The following SARNP variants were observed in gnomAD, a reference collection of about 807,000 sequenced individuals.
SARNP encodes SAP domain containing ribonucleoprotein, also known as SAP domain-containing ribonucleoprotein.
A neutral mutation model predicts 38.1 loss-of-function variants in SARNP; 5 were observed. The observed-to-expected ratio is 0.13, with a 90% CI of 0.07 to 0.28. The LOEUF (loss-of-function observed/expected upper bound fraction) is 0.28. Ranked by LOEUF, SARNP falls within the 10% of genes least tolerant of loss-of-function variation. The pLI is 1.00. For missense variants in SARNP, 180 were observed against 243.9 expected, an observed-to-expected ratio of 0.74 and a Z score of 1.75; for synonymous variants, 84 against 80.6, an observed-to-expected ratio of 1.04 and a Z score of -0.23.
At chr12:55,770,809 C>T (rs2136183091) in intron 9 of SARNP, among the ~76,000 whole-genome samples, 1 of 152,218 alleles carries the variant, frequency 6.6e-6, no homozygotes, top group South Asian at 2.1e-4. Flanking sequence ...CTAATTTTAT[C>T]CTAAATACAG....
At chr12:55,798,174 AGAAAGTAGTATTTGATAGGCTG>A (rs1471029006) in intron 4 of SARNP, among the ~76,000 whole-genome samples, 2 of 152,202 alleles carry the variant, frequency 1.3e-5, no homozygotes, top group African/African-American at 2.4e-5. Context: ...AAATGGCTTT[AGAAAGTAGTATTTGATAGGCTG>A]GAAAGTAGTA....
At chr12:55,757,669 G>A in intron 10 of SARNP, 116 bp from the exon 11 acceptor site, 3 of 668,292 alleles carry the variant, frequency 4.5e-6, no homozygotes, top group Non-Finnish European at 7.5e-6. Context: ...AGGAAGGATG[G>A]CCCAGACTTG....
At position 55,794,900 on chromosome 12, in the gene SARNP, A is replaced by T. The variant is rs780847736; in HGVS notation, c.304-20T>A. ...CATTCTCTAAGTAAAAATAGACAAA[A>T]GGGAGAAAAAAAAGTCAATTTATGG... On this transcript the variant is annotated intron_variant, in intron 5 of 10. Transcript: ENST00000336133. The T allele has an allele frequency of 6.8e-7, 1 of 1,478,712 alleles. No individual in the cohort carries two copies. Among genetic ancestry groups the T allele is most frequent in the Non-Finnish European group, 9.4e-7 (1 of 1,064,516 alleles). The allele number at this position is 1,478,712 out of a possible 1,614,324, so 91.6% of individuals were successfully genotyped here. A position where few individuals can be genotyped will look rare whatever the true frequency, so the allele number is the denominator to read the frequency against.
intron 9 of SARNP, among the ~76,000 whole-genome samples, chr12:55,779,155 T>C (rs1441309921): frequency 3.3e-5 from 5 of 152,232 alleles, no homozygotes; most frequent in African/African-American, 9.6e-5. Context: ...CTATCTACCA[T>C]AGAGTTATCT....
intron 4 of SARNP, among the ~76,000 whole-genome samples, chr12:55,797,814 G>A (rs1879863185): frequency 6.6e-6 from 1 of 152,226 alleles, no homozygotes; most frequent in East Asian, 1.9e-4. Context: ...AACATTCCCT[G>A]AAATACAGAG....
chr12:55,778,529 T>A lies in SARNP; in HGVS notation c.501+10546A>T, dbSNP rs139628121. Among the ~76,000 whole-genome samples, 433 of 152,304 alleles carry A rather than the reference T, an allele frequency of 2.8e-3. 4 individuals carry two copies. The highest frequency in any genetic ancestry group is 1.0e-2 in the African/African-American group (415 of 41,564). ...GTGGAGAAAAGTAGTGTCTTTTTTT[T>A]ATCTTAAAGGGGAGGAGACAGAAAA... On this transcript the variant is annotated intron_variant, in intron 9 of 10. Coordinates refer to ENST00000336133, the MANE Select transcript of SARNP (RefSeq NM_033082.4).
At chr12:55,768,005 T>C (rs1338952015) in intron 9 of SARNP, among the ~76,000 whole-genome samples, 4 of 151,996 alleles carry the variant, frequency 2.6e-5, no homozygotes, top group African/African-American at 9.7e-5. Context: ...AATGAGTATA[T>C]ATTTGGACAG....
intron 1 of SARNP, among the ~76,000 whole-genome samples, chr12:55,814,146 G>A (rs114485982): frequency 1.2e-3 from 177 of 152,204 alleles, no homozygotes; most frequent in African/African-American, 3.9e-3. Flanking sequence ...ATAATTTAAA[G>A]GTTTTAAGCA....
chr12:55,785,837 TATCA>T, intron 9 of SARNP, among the ~76,000 whole-genome samples: 2 of 151,046 alleles, frequency 1.3e-5, no homozygotes, highest in African/African-American at 4.9e-5. Flanking sequence ...GCAGTGTCAC[TATCA>T]TGGCTCACTG....
At chr12:55,782,164 ACT>A (rs2136190088) in intron 9 of SARNP, among the ~76,000 whole-genome samples, 1 of 152,206 alleles carries the variant, frequency 6.6e-6, no homozygotes, top group Non-Finnish European at 1.5e-5. Context: ...AAGTAGAAAA[ACT>A]CTGGTACTAT....
chr12:55,800,538 A>G (rs754619007), intron 4 of SARNP, 24 bp downstream of exon 4: 1 of 1,501,126 alleles, frequency 6.7e-7, no homozygotes, highest in Admixed American at 1.8e-5. Context: ...CTCTGTACTC[A>G]GATTATAAAA....
intron 9 of SARNP, among the ~76,000 whole-genome samples, chr12:55,764,239 A>C (rs1005280033): frequency 5.9e-5 from 9 of 152,202 alleles, no homozygotes; most frequent in African/African-American, 1.9e-4. Context: ...ATAAAAGAAT[A>C]AGGGGCTGGG....
chr12:55,781,156 A>G (rs1412366490), intron 9 of SARNP, among the ~76,000 whole-genome samples: 1 of 152,234 alleles, frequency 6.6e-6, no homozygotes, highest in Non-Finnish European at 1.5e-5. Context: ...ACAGCATGCC[A>G]TCAGTTAGCT....
chr12:55,772,592 T>C (rs138954472), intron 9 of SARNP, among the ~76,000 whole-genome samples: 1 of 152,044 alleles, frequency 6.6e-6, no homozygotes, highest in African/African-American at 2.4e-5. Context: ...CCCCCAGAAA[T>C]CAAGTTTCTA....
At chr12:55,777,510 G>A (rs1054774608) in intron 9 of SARNP, among the ~76,000 whole-genome samples, 1 of 151,982 alleles carries the variant, frequency 6.6e-6, no homozygotes, top group Non-Finnish European at 1.5e-5. Flanking sequence ...GAGTAGCTGG[G>A]ACTACGGGCA....
intron 9 of SARNP, among the ~76,000 whole-genome samples, chr12:55,769,410 ATAC>A (rs1280236923): frequency 5.3e-5 from 8 of 152,262 alleles, no homozygotes; most frequent in Admixed American, 5.2e-4. Context: ...ATAAAGGTGT[ATAC>A]TACTGTTCTT....
At chr12:55,785,779 C>CA (rs762555029) in intron 9 of SARNP, among the ~76,000 whole-genome samples, 1,453 of 90,646 alleles carry the variant, frequency 0.016, 3 homozygotes, top group Non-Finnish European at 0.019. Context: ...CTGTCTCAGA[C>CA]AAAAAAAAAA....
intron 8 of SARNP, 97 bp downstream of exon 8, chr12:55,790,470 T>C: frequency 7.7e-7 from 1 of 1,304,278 alleles, no homozygotes; most frequent in Admixed American, 2.7e-5. Context: ...AAATTAATGT[T>C]CTCAGAGTTT....
intron 7 of SARNP, 55 bp downstream of exon 7, chr12:55,794,304 C>T (rs1465722015): frequency 2.7e-6 from 4 of 1,459,294 alleles, no homozygotes; most frequent in Non-Finnish European, 3.8e-6. Flanking sequence ...ACCTGTTATA[C>T]CAGAAAAGAA....
Sources: allele counts gnomAD v4.1 joint callset (sites outside exome capture counted in the v4.1 genomes callset), GRCh38; gene constraint gnomAD v4.1.1; transcripts MANE v1.5; gene names NCBI Gene and HGNC (gene_info 2026-07-23, HGNC 2026-07-21).